The following FAM89A variants were observed in gnomAD, a reference collection of about 807,000 sequenced individuals.
FAM89A encodes family with sequence similarity 89 member A.
In FAM89A, 10 loss-of-function variants were observed where a neutral mutation model predicts 7.1. The observed-to-expected ratio is 1.40, with a 90% CI of 0.86 to 2.38. The LOEUF (loss-of-function observed/expected upper bound fraction) is 2.38. Ranked by LOEUF, FAM89A falls within the 30% of genes most tolerant of loss-of-function variation. FAM89A has a pLI of 0.00. For missense variants in FAM89A, 276 were observed against 262.8 expected (o/e 1.05, Z -0.35); for synonymous variants, 157 against 129.3 (o/e 1.21, Z -1.45).
chr1:231,027,442 A>ACGCACACACATACATATGCACACG (rs1327015254), intron 1 of FAM89A, among the ~76,000 whole-genome samples: 8 of 151,936 alleles, frequency 5.3e-5, no homozygotes, highest in African/African-American at 1.7e-4. Context: ...CAAGGATTAG[A>ACGCACACACATACATATGCACACG]CGCACACACA....
At chr1:231,034,959 T>G (rs1406465012) in intron 1 of FAM89A, among the ~76,000 whole-genome samples, 1 of 152,018 alleles carries the variant, frequency 6.6e-6, no homozygotes. Context: ...CAGACAGTAT[T>G]AAAGGCCGCT....
At chr1:231,028,665 C>T (rs1441035852) in intron 1 of FAM89A, 1 of 152,188 alleles carries the variant, frequency 6.6e-6, no homozygotes, top group Non-Finnish European at 1.5e-5. Context: ...ATGGAATGCT[C>T]AAACCCTGCA....
intron 1 of FAM89A, among the ~76,000 whole-genome samples, chr1:231,023,915 T>G (rs1679919654): frequency 6.6e-6 from 1 of 152,254 alleles, no homozygotes; most frequent in African/African-American, 2.4e-5. Context: ...ACACCCATTT[T>G]AAAATTTCTT....
At chr1:231,035,284 C>T (rs1385146414) in intron 1 of FAM89A, among the ~76,000 whole-genome samples, 1 of 152,090 alleles carries the variant, frequency 6.6e-6, no homozygotes, top group African/African-American at 2.4e-5. Flanking sequence ...AGGTTCAATT[C>T]TTTACACAAC....
At chr1:231,032,027 T>C (rs1252358209) in intron 1 of FAM89A, among the ~76,000 whole-genome samples, 1 of 152,018 alleles carries the variant, frequency 6.6e-6, no homozygotes, top group Non-Finnish European at 1.5e-5. Context: ...AATGGGAAAA[T>C]GTAATGGGAA....
At chr1:231,020,919 C>A (rs557330475) in intron 1 of FAM89A, among the ~76,000 whole-genome samples, 5 of 152,318 alleles carry the variant, frequency 3.3e-5, no homozygotes, top group African/African-American at 1.2e-4. Context: ...ACAGTCAGAA[C>A]AGGAAATGCA....
intron 1 of FAM89A, among the ~76,000 whole-genome samples, chr1:231,037,287 C>T (rs4460622): frequency 0.39 from 59,340 of 152,022 alleles, 11,676 homozygotes; most frequent in East Asian, 0.55. Context: ...TTACATTGCA[C>T]CTAACAGAAG....
chr1:231,040,225 G>C lies in FAM89A; in HGVS notation c.-14C>G. On this transcript the variant is annotated 5_prime_UTR_variant, in exon 1 of 2. Coordinates refer to ENST00000366654, the MANE Select transcript of FAM89A (RefSeq NM_198552.3). ...GGCCCCACTCATCGCGCCGCGGCCC[G>C]GCCACGCGCCTGCCCCGCTGCAGCG... is the stretch of plus-strand genomic sequence containing the variant. The C allele has an allele frequency of 3.8e-6, 4 of 1,043,778 alleles. No individual in the cohort carries two copies. In the East Asian group the frequency reaches 3.5e-4, roughly 92 times the overall value. The allele number at this position is 1,043,778 out of a possible 1,614,324, so 64.7% of individuals were successfully genotyped here.
chr1:231,024,380 G>C (rs1679927267), intron 1 of FAM89A, among the ~76,000 whole-genome samples: 1 of 152,120 alleles, frequency 6.6e-6, no homozygotes, highest in Non-Finnish European at 1.5e-5. Context: ...TGATCATCTT[G>C]TAAATAGATT....
At chr1:231,035,466 G>A (rs988203204) in intron 1 of FAM89A, among the ~76,000 whole-genome samples, 2 of 152,184 alleles carry the variant, frequency 1.3e-5, no homozygotes, top group African/African-American at 4.8e-5. Context: ...AATCCCCAGG[G>A]ATGCTGCTCC....
intron 1 of FAM89A, among the ~76,000 whole-genome samples, chr1:231,030,762 A>G (rs1680053317): frequency 6.6e-6 from 1 of 152,192 alleles, no homozygotes; most frequent in South Asian, 2.1e-4. Context: ...GCTTTGGTTT[A>G]TGTGGGTTAT....
chr1:231,020,044 C>T lies in FAM89A; in HGVS notation c.374G>A (p.Cys125Tyr). ...GCAGTCTGGGCTGGAGGCTGCCTGG[C>T]ATGCCCCCTTGTACTCCTGAATCGA... ...YESIQEYKGA[C>Y]QAASSPDCTY... Residue 125 changes from cysteine (C) to tyrosine (Y), a missense_variant, in exon 2 of 2, where the codon TGC (cysteine) becomes TAC (tyrosine). Physicochemically the swap from Cys to Tyr is radical, Grantham distance 194 (BLOSUM62 -2). Transcript: ENST00000366654. The T allele has an allele frequency of 6.2e-7, 1 of 1,614,122 alleles. No individual in the cohort carries two copies. The highest frequency in any genetic ancestry group is 8.5e-7 in the Non-Finnish European group (1 of 1,180,036).
At chr1:231,039,755 G>A (rs1361498834) in intron 1 of FAM89A, among the ~76,000 whole-genome samples, 166 bp downstream of exon 1, 2 of 152,138 alleles carry the variant, frequency 1.3e-5, no homozygotes, top group African/African-American at 2.4e-5. Flanking sequence ...CACGGAGCAC[G>A]CGAGAAAAAT....
intron 1 of FAM89A, among the ~76,000 whole-genome samples, chr1:231,024,914 CTTTTTTTTTT>C (rs60500715): frequency 4.7e-5 from 3 of 63,422 alleles, no homozygotes; most frequent in Middle Eastern, 0.012. Flanking sequence ...CACAACTACT[CTTTTTTTTTT>C]TTTTTTTTTT....
In FAM89A at chr1:231,019,991, C is replaced by G. The variant is rs61740910; in HGVS notation, c.427G>C (p.Asp143His). The G allele has an allele frequency of 6.2e-7, 1 of 1,614,124 alleles. No individual in the cohort carries two copies. ...CTYALENGFF[D>H]EEEEYFQEQN... ...TCCTGGAAATATTCCTCCTCTTCAT[C>G]GAAGAAGCCGTTCTCCAGAGCGTAA... is the stretch of plus-strand genomic sequence containing the variant. The change falls in exon 2 of 2, where the codon GAT becomes CAT. Residue 143 changes from aspartate to histidine, a missense_variant. Transcript: ENST00000366654.
At chr1:231,039,124 G>C (rs578150763) in intron 1 of FAM89A, among the ~76,000 whole-genome samples, 19 of 152,374 alleles carry the variant, frequency 1.2e-4, no homozygotes, top group African/African-American at 4.6e-4. Flanking sequence ...CCCTGCCCTT[G>C]TCCTACTTTT....
chr1:231,030,913 C>A (rs1030666023), intron 1 of FAM89A, among the ~76,000 whole-genome samples: 1 of 152,114 alleles, frequency 6.6e-6, no homozygotes, highest in Non-Finnish European at 1.5e-5. Context: ...AGTTCGAGAC[C>A]AGCCTGGACA....
chr1:231,027,141 C>A (rs1679988674), intron 1 of FAM89A, among the ~76,000 whole-genome samples: 1 of 152,138 alleles, frequency 6.6e-6, no homozygotes, highest in South Asian at 2.1e-4. Context: ...GCTCTGACTC[C>A]CCATGACCCC....
At position 231,033,568 on chromosome 1, in the gene FAM89A, G is replaced by A. The variant is rs115592277; in HGVS notation, c.291+6353C>T. Reference sequence around the variant, plus strand: ...CAGGGGAGGCACCGCTGTCTGCAAGGTACAGAAATGCCAGGGCTATTGCTC... The same window carrying A: ...CAGGGGAGGCACCGCTGTCTGCAAGATACAGAAATGCCAGGGCTATTGCTC... On this transcript the variant is annotated intron_variant, in intron 1 of 1. Transcript: ENST00000366654. Among the ~76,000 whole-genome samples the A allele has an allele frequency of 8.5e-3, 1,288 of 152,230 alleles. 18 individuals are homozygous for A. The highest frequency in any genetic ancestry group is 0.029 in the African/African-American group (1,217 of 41,514).
Sources: allele counts gnomAD v4.1 joint callset (sites outside exome capture counted in the v4.1 genomes callset), GRCh38; gene constraint gnomAD v4.1.1; transcripts MANE v1.5; gene names NCBI Gene and HGNC (gene_info 2026-07-23, HGNC 2026-07-21).